SPIDR: variants seen among roughly 807,000 people sequenced by gnomAD.
SPIDR encodes DNA repair-scaffolding protein.
A neutral mutation model predicts 104.6 loss-of-function variants in SPIDR; 93 were observed. The observed-to-expected ratio is 0.89, with a 90% confidence interval of 0.75 to 1.06. The LOEUF (loss-of-function observed/expected upper bound fraction) is 1.06. Ranked by LOEUF, SPIDR falls within the 50% of genes least tolerant of loss-of-function variation. The pLI, the probability that SPIDR is intolerant of heterozygous loss-of-function variation, is 0.00. For missense variants in SPIDR, 1,154 were observed against 1,111.2 expected (o/e 1.04, Z -0.55); for synonymous variants, 431 against 416.9 (o/e 1.03, Z -0.41).
rs552692987 is a variant in SPIDR, at chr8:47,560,753, T to A, written c.1098-35058T>A. On this transcript the variant is annotated intron_variant, in intron 8 of 19. Transcript: ENST00000297423. ...TTGCTGTTCTCCTATCCTTCCTTTA[T>A]ATGGATCGTAGGGTGATCTAGCCAT... Among the ~76,000 whole-genome samples, 60 of 152,336 alleles carry A rather than the reference T, an allele frequency of 3.9e-4. 1 individual carries two copies. The highest frequency in any genetic ancestry group is 3.7e-3 in the Admixed American group (57 of 15,298).
chr8:47,696,803 C>T (rs1026007652), intron 11 of SPIDR, among the ~76,000 whole-genome samples: 1 of 152,322 alleles, frequency 6.6e-6, no homozygotes, highest in Non-Finnish European at 1.5e-5. Flanking sequence ...TCACAGAATC[C>T]TACAAGGGAG....
intron 1 of SPIDR, among the ~76,000 whole-genome samples, chr8:47,269,226 T>C (rs2154213023): frequency 6.9e-6 from 1 of 145,606 alleles, no homozygotes; most frequent in South Asian, 2.3e-4. Flanking sequence ...ATGATCGTGC[T>C]ACTGCACTCC....
intron 5 of SPIDR, among the ~76,000 whole-genome samples, chr8:47,312,216 G>A (rs1250017782): frequency 8.7e-4 from 132 of 152,224 alleles, no homozygotes; most frequent in South Asian, 3.7e-3. Context: ...ATGATTTATA[G>A]TCCTTTGGGT....
intron 3 of SPIDR, among the ~76,000 whole-genome samples, chr8:47,286,180 A>G (rs1203375414): frequency 1.3e-5 from 2 of 152,140 alleles, no homozygotes; most frequent in Non-Finnish European, 2.9e-5. Flanking sequence ...CTCACACTAA[A>G]CTAATGGTGA....
intron 10 of SPIDR, among the ~76,000 whole-genome samples, chr8:47,611,412 A>G (rs2154431056): frequency 6.6e-6 from 1 of 152,130 alleles, no homozygotes; most frequent in East Asian, 1.9e-4. Flanking sequence ...TATAAAGAAA[A>G]TAGAGGCTGG....
At chr8:47,273,761 T>G (rs971880395) in intron 1 of SPIDR, among the ~76,000 whole-genome samples, 4 of 152,130 alleles carry the variant, frequency 2.6e-5, no homozygotes, top group Non-Finnish European at 5.9e-5. Context: ...ATCTGGCTAA[T>G]TTTTGTATTT....
chr8:47,383,657 C>T (rs1554646737), intron 5 of SPIDR, among the ~76,000 whole-genome samples: 3 of 152,100 alleles, frequency 2.0e-5, no homozygotes, highest in Non-Finnish European at 4.4e-5. Flanking sequence ...AGAGCGTTGT[C>T]GCCACTGCTG....
intron 12 of SPIDR, among the ~76,000 whole-genome samples, chr8:47,700,828 C>T (rs2080071178): frequency 2.0e-5 from 3 of 152,186 alleles, no homozygotes; most frequent in Non-Finnish European, 2.9e-5. Context: ...ATTTTTCCCA[C>T]GAACTTCTAG....
intron 2 of SPIDR, among the ~76,000 whole-genome samples, chr8:47,283,053 A>C (rs1307499134): frequency 3.3e-5 from 5 of 151,892 alleles, no homozygotes; most frequent in African/African-American, 9.7e-5. Context: ...ATGGGGTTTC[A>C]CCATGTGGGT....
Position 47,735,992 on chromosome 8 carries a change from G to A in SPIDR, c.*542G>A, listed in dbSNP as rs2154495676. 1 of 204,534 alleles carries A rather than the reference G, an allele frequency of 4.9e-6. No homozygotes were observed. The highest frequency in any genetic ancestry group is 1.4e-4 in the East Asian group (1 of 7,222). The allele number at this position is 204,534 out of a possible 1,614,324, so 12.7% of individuals were successfully genotyped here. A position where few individuals can be genotyped will look rare whatever the true frequency, so the allele number is the denominator to read the frequency against. Reference sequence around the variant, plus strand: ...GTGAAACTGTTACCCATAAAGTGTAGCTCTCTGAACTGGTGTGATCGTGTC... The same window carrying A: ...GTGAAACTGTTACCCATAAAGTGTAACTCTCTGAACTGGTGTGATCGTGTC... On this transcript the variant is annotated 3_prime_UTR_variant, in exon 20 of 20. Coordinates refer to ENST00000297423, the MANE Select transcript of SPIDR (RefSeq NM_001080394.4).
At chr8:47,271,712 C>T (rs1212603493) in intron 1 of SPIDR, among the ~76,000 whole-genome samples, 6 of 152,110 alleles carry the variant, frequency 3.9e-5, no homozygotes, top group Admixed American at 2.0e-4. Flanking sequence ...AGTCCAACTT[C>T]TGGCTCCTCT....
chr8:47,366,093 T>C (rs1351263348), intron 5 of SPIDR, among the ~76,000 whole-genome samples: 1 of 151,828 alleles, frequency 6.6e-6, no homozygotes, highest in Non-Finnish European at 1.5e-5. Context: ...AACCAGGTGG[T>C]ATAGGTCAGA....
chr8:47,290,240 A>G (rs2066260311), intron 3 of SPIDR, among the ~76,000 whole-genome samples: 2 of 152,158 alleles, frequency 1.3e-5, no homozygotes, highest in Admixed American at 6.6e-5. Flanking sequence ...ACAGGGTTTC[A>G]CCATGTTGGC....
chr8:47,708,939 G>A (rs2081454756), intron 14 of SPIDR, among the ~76,000 whole-genome samples: 1 of 150,688 alleles, frequency 6.6e-6, no homozygotes, highest in African/African-American at 2.4e-5. Flanking sequence ...GGACATCTTG[G>A]TTGTTTCCAG....
At chr8:47,695,947 C>T (rs553063506) in intron 11 of SPIDR, among the ~76,000 whole-genome samples, 1 of 152,230 alleles carries the variant, frequency 6.6e-6, no homozygotes, top group South Asian at 2.1e-4. Flanking sequence ...TCCTCTTGGG[C>T]GTGGTGCCAC....
At chr8:47,680,757 AAATT>A (rs2076992814) in intron 11 of SPIDR, among the ~76,000 whole-genome samples, 1 of 152,244 alleles carries the variant, frequency 6.6e-6, no homozygotes, top group Admixed American at 6.5e-5. Flanking sequence ...TTGAAAAATA[AAATT>A]GTTCCTGGTG....
rs7815385 is a variant in SPIDR, at chr8:47,706,528, T to C, written c.1977+4513T>C. On this transcript the variant is annotated intron_variant, in intron 14 of 19. Transcript: ENST00000297423. The stretch of plus-strand genomic sequence containing the variant: ...GTGCACTTCTTGCAGTTTTGTCACA[T>C]GTACAGCCTTGCATCACTGTCACTG... Among the ~76,000 whole-genome samples the C allele has an allele frequency of 4.1e-3, 626 of 152,308 alleles. 4 individuals carry two copies. The highest frequency in any genetic ancestry group is 0.014 in the African/African-American group (565 of 41,570).
chr8:47,629,349 T>G (rs1200282913), intron 10 of SPIDR, among the ~76,000 whole-genome samples: 4 of 152,206 alleles, frequency 2.6e-5, no homozygotes, highest in Non-Finnish European at 5.9e-5. Flanking sequence ...GCATATTATT[T>G]TAGGCTTGGC....
intron 7 of SPIDR, among the ~76,000 whole-genome samples, chr8:47,419,441 A>G (rs1396069904): frequency 1.3e-5 from 2 of 152,066 alleles, no homozygotes; most frequent in African/African-American, 4.8e-5. Context: ...GGTAGTTTGT[A>G]TTTCTGTGGG....
Sources: gnomAD v4.1 joint callset for allele counts (sites outside exome capture counted in the v4.1 genomes callset) on GRCh38, gnomAD v4.1.1 for gene constraint, MANE v1.5 for transcripts, NCBI Gene and HGNC (gene_info 2026-07-23, HGNC 2026-07-21) for gene names.